PDHX: variants seen among roughly 807,000 people sequenced by gnomAD.
The protein encoded by PDHX is pyruvate dehydrogenase protein X component, mitochondrial.
Under a neutral mutation model 55.3 loss-of-function variants are expected in PDHX, and 33 were observed. The ratio of observed to expected loss-of-function variants is 0.60; its 90% CI spans 0.45 to 0.80. PDHX has a LOEUF of 0.80. Ranked by LOEUF, PDHX falls within the 30% of genes least tolerant of loss-of-function variation. PDHX has a pLI of 0.00. For synonymous variants in PDHX, 226 were observed against 219.4 expected, an observed-to-expected ratio of 1.03 and a Z score of -0.27; for missense variants, 622 against 619.9, an observed-to-expected ratio of 1.00 and a Z score of -0.04.
chr11:34,949,352 G>A (rs1854699929), intron 3 of PDHX, among the ~76,000 whole-genome samples: 1 of 152,064 alleles, frequency 6.6e-6, no homozygotes, highest in Non-Finnish European at 1.5e-5. Flanking sequence ...TGATTTTCCT[G>A]CCTCAGCCTC....
intron 2 of PDHX, among the ~76,000 whole-genome samples, chr11:34,935,379 A>C (rs532685385): frequency 7.2e-5 from 11 of 152,312 alleles, no homozygotes; most frequent in African/African-American, 2.6e-4. Context: ...TTAGAAAATA[A>C]AGACTATGAA....
At chr11:34,933,134 CTT>C (rs1483466296) in intron 2 of PDHX, among the ~76,000 whole-genome samples, 1 of 152,172 alleles carries the variant, frequency 6.6e-6, no homozygotes, top group African/African-American at 2.4e-5. Context: ...CTGAATATAT[CTT>C]GTTTTGTCTC....
chr11:34,947,230 A>C lies in PDHX; in HGVS notation c.242-276A>C, dbSNP rs1015468195. The stretch of plus-strand genomic sequence containing the variant: ...TTTGTTGCTGATGTCTTTAAGGTTG[A>C]TTTCATTTTTACATGCTCAGTAATC... On this transcript the variant is annotated intron_variant, in intron 2 of 10. Coordinates refer to ENST00000227868, the MANE Select transcript of PDHX (RefSeq NM_003477.3). Among the ~76,000 whole-genome samples the C allele has an allele frequency of 1.2e-4, 19 of 152,238 alleles. 1 individual carries two copies. Among genetic ancestry groups the C allele is most frequent in the Non-Finnish European group, 1.2e-4 (8 of 68,022 alleles).
chr11:34,963,047 A>AC (rs894808041), intron 5 of PDHX, among the ~76,000 whole-genome samples: 2 of 152,134 alleles, frequency 1.3e-5, no homozygotes, highest in Non-Finnish European at 2.9e-5. Flanking sequence ...CAAAATAAGA[A>AC]CTAGTACAAA....
chr11:34,924,673 C>T (rs2133940339), intron 1 of PDHX, among the ~76,000 whole-genome samples: 1 of 152,202 alleles, frequency 6.6e-6, no homozygotes, highest in South Asian at 2.1e-4. Context: ...CTGTGGTATT[C>T]TGCTTCTCCT....
rs904885359 is a variant in PDHX, at chr11:34,955,555, CT to C, written c.343-1823del. On this transcript the variant is annotated intron_variant, in intron 3 of 10. Transcript: ENST00000227868. ...TTGGGTTTCATGCTTCATGGTGTCACTTTTTTAAATAGAAAAAAATGTGAAT... is the reference window on the plus strand; with the variant it reads ...TTGGGTTTCATGCTTCATGGTGTCACTTTTTAAATAGAAAAAAATGTGAAT... Among the ~76,000 whole-genome samples, 120 of 152,040 alleles carry C rather than the reference CT, an allele frequency of 7.9e-4. 2 individuals carry two copies. The highest frequency in any genetic ancestry group is 1.2e-3 in the Admixed American group (18 of 15,266).
chr11:34,927,908 A>G (rs753571176), intron 1 of PDHX, among the ~76,000 whole-genome samples: 1 of 152,136 alleles, frequency 6.6e-6, no homozygotes, highest in Admixed American at 6.5e-5. Flanking sequence ...TTGTATTATC[A>G]TAATTCAGAT....
At chr11:34,916,386 C>T (rs1295964471), upstream of PDHX, 4 of 1,547,030 alleles carry the variant, frequency 2.6e-6, no homozygotes, top group Admixed American at 3.9e-5. Context: ...AATCAGGCGG[C>T]GCTGAGGGCA....
intron 6 of PDHX, among the ~76,000 whole-genome samples, chr11:34,969,781 ATGTG>A (rs1855217394): frequency 6.6e-6 from 1 of 151,876 alleles, no homozygotes; most frequent in Non-Finnish European, 1.5e-5. Flanking sequence ...TGTGTGTGGT[ATGTG>A]TGTGTGTACG....
chr11:34,943,720 T>C (rs1312408189), intron 2 of PDHX, among the ~76,000 whole-genome samples: 2 of 152,176 alleles, frequency 1.3e-5, no homozygotes, highest in Admixed American at 6.5e-5. Flanking sequence ...TTCTCTGAAG[T>C]TTCCTGTTCT....
At chr11:34,942,732 A>C (rs867373374) in intron 2 of PDHX, among the ~76,000 whole-genome samples, 2 of 152,198 alleles carry the variant, frequency 1.3e-5, no homozygotes, top group Admixed American at 6.5e-5. Flanking sequence ...TTCCATACGT[A>C]ATATTACTAT....
chr11:34,985,209 G>A (rs1189034728), intron 9 of PDHX, among the ~76,000 whole-genome samples: 1 of 152,192 alleles, frequency 6.6e-6, no homozygotes, highest in African/African-American at 2.4e-5. Context: ...TTGGGAGGCC[G>A]AGGTGGGTGG....
At chr11:34,969,461 A>G (rs751014048) in intron 6 of PDHX, among the ~76,000 whole-genome samples, 6 of 150,638 alleles carry the variant, frequency 4.0e-5, no homozygotes, top group Non-Finnish European at 8.8e-5. Context: ...CTGCTGCCTC[A>G]GCCTCCTGAG....
chr11:34,942,977 A>G (rs1854523239), intron 2 of PDHX, among the ~76,000 whole-genome samples: 1 of 152,206 alleles, frequency 6.6e-6, no homozygotes, highest in Non-Finnish European at 1.5e-5. Flanking sequence ...GCTACAAATC[A>G]AATGTTAGAA....
intron 5 of PDHX, among the ~76,000 whole-genome samples, chr11:34,961,950 G>A (rs1045155449): frequency 6.6e-6 from 1 of 152,184 alleles, no homozygotes; most frequent in African/African-American, 2.4e-5. Flanking sequence ...CACCAATCCT[G>A]ATTTGTGTCT....
intron 10 of PDHX, 31 bp downstream of exon 10, chr11:34,992,410 A>G (rs1855774485): frequency 9.1e-7 from 1 of 1,093,442 alleles, no homozygotes; most frequent in South Asian, 1.3e-5. Flanking sequence ...TATCCATAGC[A>G]TCAAACAGAT....
intron 2 of PDHX, among the ~76,000 whole-genome samples, chr11:34,939,443 CTGAT>C (rs1854417981): frequency 6.6e-6 from 1 of 151,104 alleles, no homozygotes; most frequent in Admixed American, 6.6e-5. Context: ...AGATCTGAGA[CTGAT>C]TCACAGCTTC....
At position 34,981,945 on chromosome 11, in the gene PDHX, G is replaced by T. The variant is rs1348558799; in HGVS notation, c.1024-2625G>T. Among the ~76,000 whole-genome samples, 18 of 152,256 alleles carry T rather than the reference G, an allele frequency of 1.2e-4. No individual in the cohort carries two copies. The South Asian group carries it at 3.5e-3, about 30-fold the overall frequency. On this transcript the variant is annotated intron_variant, in intron 8 of 10. Transcript: ENST00000227868. Reference sequence around the variant, plus strand: ...GATTGCAAAAATGTTTTCCCATTCTGTAGGTTGCCTGTTCACTCTGATGGT... The same window carrying T: ...GATTGCAAAAATGTTTTCCCATTCTTTAGGTTGCCTGTTCACTCTGATGGT...
intron 2 of PDHX, among the ~76,000 whole-genome samples, chr11:34,933,478 G>A (rs533790587): frequency 3.9e-5 from 6 of 152,290 alleles, no homozygotes; most frequent in South Asian, 4.1e-4. Context: ...CAAATGACTG[G>A]TTAAGATAAT....
Sources: gnomAD v4.1 joint callset for allele counts (sites outside exome capture counted in the v4.1 genomes callset) on GRCh38, gnomAD v4.1.1 for gene constraint, MANE v1.5 for transcripts, NCBI Gene and HGNC (gene_info 2026-07-23, HGNC 2026-07-21) for gene names.